The following KAZN variants were observed in gnomAD, a reference collection of about 807,000 sequenced individuals.
KAZN encodes the protein kazrin, periplakin interacting protein.
KAZN carries 40 observed loss-of-function variants against 87.4 expected under a neutral mutation model. The observed-to-expected ratio is 0.46, with a 90% confidence interval of 0.36 to 0.60. The LOEUF (loss-of-function observed/expected upper bound fraction) is 0.60, where lower values mean the gene tolerates loss of function less well. KAZN is among the 20% of genes least tolerant of loss of function. The pLI, the probability that KAZN is intolerant of heterozygous loss-of-function variation, is 0.00. For missense variants in KAZN, 898 were observed against 1,073.9 expected (o/e 0.84, Z 2.29); for synonymous variants, 466 against 458.3 (o/e 1.02, Z -0.22).
In KAZN at chr1:15,094,745, A is replaced by AC; in HGVS notation, c.1429-65dup. 4 of 1,139,546 alleles carry AC rather than the reference A, an allele frequency of 3.5e-6. No individual in the cohort carries two copies. In the South Asian group the frequency reaches 4.2e-5, roughly 12 times the overall value. The allele number at this position is 1,139,546 out of a possible 1,614,324, so 70.6% of individuals were successfully genotyped here. A position where few individuals can be genotyped will look rare whatever the true frequency, so the allele number is the denominator to read the frequency against. ...TGGGGAAGGAGCCCCATGTCAACAG[A>AC]CCCCCTCTAGGGCAGGAACCCCGCC... On this transcript the variant is annotated intron_variant, in intron 9 of 14. Coordinates refer to ENST00000376030, the MANE Select transcript of KAZN (RefSeq NM_201628.3). This position sits in a 1 kb window ranked among gnomAD's most constrained non-coding sequence, Gnocchi z 4.5.
chr1:13,894,048 G>C (rs1336929632), intron 1 of KAZN, among the ~76,000 whole-genome samples: 1 of 152,206 alleles, frequency 6.6e-6, no homozygotes, highest in South Asian at 2.1e-4. Context: ...TAGCTGGGGG[G>C]TGAAGGAGGG....
At chr1:15,048,148 C>G (rs1012914325) in intron 4 of KAZN, among the ~76,000 whole-genome samples, 4 of 152,248 alleles carry the variant, frequency 2.6e-5, no homozygotes, top group Non-Finnish European at 4.4e-5. Flanking sequence ...TCCCTCCCCC[C>G]ATGTCCTGAG....
intron 2 of KAZN, among the ~76,000 whole-genome samples, chr1:14,998,297 T>C (rs1280602746): frequency 6.6e-6 from 1 of 152,164 alleles, no homozygotes; most frequent in East Asian, 1.9e-4. Context: ...GCCTGGGCCT[T>C]CTCTGCGTCT....
At chr1:15,006,973 T>C (rs867639821) in intron 2 of KAZN, among the ~76,000 whole-genome samples, 1 of 144,244 alleles carries the variant, frequency 6.9e-6, no homozygotes, top group Non-Finnish European at 1.5e-5. Flanking sequence ...AGGAGAATAG[T>C]GTGAACCTGG....
Position 15,048,583 on chromosome 1 carries a change from G to A in KAZN, c.726+4424G>A, listed in dbSNP as rs868500592. Among the ~76,000 whole-genome samples the A allele has an allele frequency of 2.0e-4, 30 of 151,870 alleles. No homozygotes were observed. The South Asian group carries it at 4.6e-3, about 23-fold the overall frequency. On this transcript the variant is annotated intron_variant, in intron 4 of 14. Transcript: ENST00000376030. ...GGTCCTGGGTCGTTGATCCTTGGTC[G>A]TTGGTCCTGGGTCGTCGGTCCTGGG...
At chr1:14,379,991 A>G (rs1661239340) in intron 2 of KAZN, among the ~76,000 whole-genome samples, 5 of 152,186 alleles carry the variant, frequency 3.3e-5, no homozygotes, top group Admixed American at 2.6e-4. Flanking sequence ...AGGTGTTTAT[A>G]TCACCCCACC....
intron 1 of KAZN, among the ~76,000 whole-genome samples, chr1:14,647,687 G>A (rs964446672): frequency 3.3e-5 from 5 of 152,148 alleles, no homozygotes; most frequent in African/African-American, 1.2e-4. Flanking sequence ...CAAATTTTAT[G>A]TTTTCAATGC....
intron 1 of KAZN, among the ~76,000 whole-genome samples, chr1:14,864,123 T>C (rs1651180248): frequency 6.6e-6 from 1 of 152,236 alleles, no homozygotes; most frequent in South Asian, 2.1e-4. Flanking sequence ...TGGAGGATTC[T>C]ACCCCCACCA....
At chr1:14,502,996 A>T in intron 2 of KAZN, among the ~76,000 whole-genome samples, 1 of 152,102 alleles carries the variant, frequency 6.6e-6, no homozygotes, top group East Asian at 1.9e-4. Context: ...ATCTGCTTTC[A>T]GAATACCTAA....
chr1:14,540,066 G>A (rs1425987466), intron 2 of KAZN, among the ~76,000 whole-genome samples: 3 of 152,132 alleles, frequency 2.0e-5, no homozygotes, highest in South Asian at 2.1e-4. Flanking sequence ...CAAAGGAGAC[G>A]AAATTGCTTT....
At chr1:13,925,179 G>A (rs749136490) in intron 1 of KAZN, among the ~76,000 whole-genome samples, 12 of 152,140 alleles carry the variant, frequency 7.9e-5, no homozygotes, top group Admixed American at 2.0e-4. Flanking sequence ...CATAGATTAC[G>A]TGGTCTTTTT....
At chr1:13,978,626 G>A (rs1258242774) in intron 1 of KAZN, among the ~76,000 whole-genome samples, 2 of 152,010 alleles carry the variant, frequency 1.3e-5, no homozygotes, top group East Asian at 3.9e-4. Flanking sequence ...AGATAGGTGA[G>A]TAGAAAATAT....
intron 1 of KAZN, among the ~76,000 whole-genome samples, chr1:14,942,871 C>T (rs1297683684): frequency 6.6e-6 from 1 of 152,024 alleles, no homozygotes; most frequent in Non-Finnish European, 1.5e-5. Context: ...TTAGCAGGGC[C>T]GTCTGTAATC....
chr1:14,008,404 T>C (rs1397680709), intron 1 of KAZN, among the ~76,000 whole-genome samples: 1 of 152,230 alleles, frequency 6.6e-6, no homozygotes. Context: ...AAAAATCTGC[T>C]GAAGTCATTA....
chr1:14,163,136 C>T (rs1645747178), intron 1 of KAZN, among the ~76,000 whole-genome samples: 1 of 152,048 alleles, frequency 6.6e-6, no homozygotes, highest in South Asian at 2.1e-4. Flanking sequence ...CTTGATTCTT[C>T]CCTCCTCAGA....
At chr1:14,098,455 GCAA>G (rs1644177793) in intron 1 of KAZN, among the ~76,000 whole-genome samples, 1 of 152,174 alleles carries the variant, frequency 6.6e-6, no homozygotes, top group African/African-American at 2.4e-5. Context: ...AGCTCTGTTT[GCAA>G]CAGAAGGCAA....
At chr1:14,907,927 G>A (rs1656795777) in intron 1 of KAZN, among the ~76,000 whole-genome samples, 1 of 152,166 alleles carries the variant, frequency 6.6e-6, no homozygotes, top group Non-Finnish European at 1.5e-5. Context: ...TTTCATTAGG[G>A]CCATGAGTTG....
chr1:14,539,859 A>C (rs1672707051), intron 2 of KAZN, among the ~76,000 whole-genome samples: 1 of 152,114 alleles, frequency 6.6e-6, no homozygotes, highest in South Asian at 2.1e-4. Flanking sequence ...TTTTAGCTTC[A>C]TTTTTCAAGG....
At chr1:14,234,015 G>C (rs1380642751) in intron 2 of KAZN, among the ~76,000 whole-genome samples, 2 of 152,144 alleles carry the variant, frequency 1.3e-5, no homozygotes, top group Admixed American at 1.3e-4. Flanking sequence ...TCTAGAACCA[G>C]AAATACCATT....
Sources: allele counts gnomAD v4.1 joint callset (sites outside exome capture counted in the v4.1 genomes callset), GRCh38; gene constraint gnomAD v4.1.1; non-coding constraint Gnocchi (gnomAD v3.1); transcripts MANE v1.5; gene names NCBI Gene and HGNC (gene_info 2026-07-23, HGNC 2026-07-21).